Variants in SLC28A3 observed in about 807,000 individuals in gnomAD.
The protein encoded by SLC28A3 is solute carrier family 28 member 3.
Under a neutral mutation model 84.2 loss-of-function variants are expected in SLC28A3, and 68 were observed. That is an observed-to-expected ratio of 0.81 (90% CI 0.66 to 0.99). The LOEUF (loss-of-function observed/expected upper bound fraction) is 0.99. SLC28A3 is among the 50% of genes least tolerant of loss of function. The pLI is 0.00. For synonymous variants in SLC28A3, 267 were observed against 303.6 expected, an observed-to-expected ratio of 0.88 and a Z score of 1.25; for missense variants, 712 against 841.5, an observed-to-expected ratio of 0.85 and a Z score of 1.90.
intron 12 of SLC28A3, among the ~76,000 whole-genome samples, chr9:84,286,524 C>T (rs1260052908): frequency 1.4e-5 from 2 of 145,248 alleles, no homozygotes; most frequent in Admixed American, 7.2e-5. Flanking sequence ...TGGGCTTAAG[C>T]GATCCTCTTA....
intron 1 of SLC28A3, among the ~76,000 whole-genome samples, chr9:84,320,038 C>CTTTTTT (rs1826311069): frequency 3.5e-5 from 3 of 85,630 alleles, no homozygotes; most frequent in African/African-American, 1.7e-4. Flanking sequence ...CTGGCTTGCA[C>CTTTTTT]TGTTTTTTTT....
chr9:84,312,496 G>A (rs915462873), intron 2 of SLC28A3, among the ~76,000 whole-genome samples: 1 of 149,528 alleles, frequency 6.7e-6, no homozygotes, highest in African/African-American at 2.5e-5. Context: ...CTTTTACCAC[G>A]AGAAAACTCC....
At position 84,299,819 on chromosome 9, in the gene SLC28A3, G is replaced by C. The variant is rs1825559326; in HGVS notation, c.525-94C>G. The C allele has an allele frequency of 2.2e-6, 3 of 1,373,502 alleles. No homozygotes were observed. In the South Asian group the frequency reaches 4.5e-5, roughly 20 times the overall value. The allele number at this position is 1,373,502 out of a possible 1,614,324, so 85.1% of individuals were successfully genotyped here. ...ATTTTTTTTTTTTTTGAGAGATGGA[G>C]TCTTGCTCTGTTGCCCAGGCTGGAG... On this transcript the variant is annotated intron_variant, in intron 5 of 17. Coordinates refer to ENST00000376238, the MANE Select transcript of SLC28A3 (RefSeq NM_001199633.2).
the SLC28A3 span, among the ~76,000 whole-genome samples, chr9:84,361,938 A>AT: frequency 3.3e-5 from 5 of 152,046 alleles, no homozygotes; most frequent in South Asian, 6.2e-4. Context: ...AAATAAATAA[A>AT]AATTAATTTT....
intron 10 of SLC28A3, 191 bp downstream of exon 10, chr9:84,292,463 GTCTCTCTCTCTGTC>G (rs1397330016): frequency 2.0e-5 from 10 of 500,482 alleles, no homozygotes; most frequent in South Asian, 5.5e-5. Context: ...CTGTCTCTCT[GTCTCTCTCTCTGTC>G]TCTCTCTCTC....
the SLC28A3 span, among the ~76,000 whole-genome samples, chr9:84,355,452 C>T: frequency 6.6e-6 from 1 of 152,092 alleles, no homozygotes; most frequent in African/African-American, 2.4e-5. Flanking sequence ...GAAAAAAACA[C>T]GTCAGGCCAA....
chr9:84,331,968 C>A (rs746598918), intron 1 of SLC28A3, among the ~76,000 whole-genome samples: 2 of 152,074 alleles, frequency 1.3e-5, no homozygotes, highest in Admixed American at 6.6e-5. Flanking sequence ...TTTTTTAAAG[C>A]AATGTTGATG....
At chr9:84,278,397 T>G (rs1432908791) in intron 17 of SLC28A3, 53 bp from the exon 18 acceptor site, 3 of 1,608,376 alleles carry the variant, frequency 1.9e-6, no homozygotes, top group Non-Finnish European at 2.5e-6. Context: ...GCAGAAACAG[T>G]AGGTGAGCAG....
At chr9:84,323,306 G>A (rs1826437628) in intron 1 of SLC28A3, among the ~76,000 whole-genome samples, 1 of 152,204 alleles carries the variant, frequency 6.6e-6, no homozygotes, top group Non-Finnish European at 1.5e-5. Flanking sequence ...GAGCAAACAG[G>A]TATAGAGAAA....
At chr9:84,310,047 T>C (rs747735000) in intron 2 of SLC28A3, among the ~76,000 whole-genome samples, 1 of 152,186 alleles carries the variant, frequency 6.6e-6, no homozygotes, top group Non-Finnish European at 1.5e-5. Context: ...TTCAGCCAAG[T>C]ACTAAATGAA....
At chr9:84,327,073 G>A (rs1253904977) in intron 1 of SLC28A3, among the ~76,000 whole-genome samples, 2 of 151,872 alleles carry the variant, frequency 1.3e-5, no homozygotes, top group Non-Finnish European at 2.9e-5. Context: ...AAATCAAGAG[G>A]GGAAAAATAA....
At chr9:84,328,521 G>A (rs994007567) in intron 1 of SLC28A3, among the ~76,000 whole-genome samples, 1 of 152,060 alleles carries the variant, frequency 6.6e-6, no homozygotes, top group African/African-American at 2.4e-5. Context: ...CACTTTGGGA[G>A]GCTGAGGCGG....
intron 14 of SLC28A3, among the ~76,000 whole-genome samples, chr9:84,281,614 C>A (rs760736940): frequency 3.9e-5 from 6 of 152,198 alleles, no homozygotes; most frequent in Admixed American, 2.0e-4. Context: ...CTGAATGACC[C>A]AGCAATTTTT....
chr9:84,289,148 C>A (rs902832424), intron 11 of SLC28A3, among the ~76,000 whole-genome samples: 1 of 152,182 alleles, frequency 6.6e-6, no homozygotes, highest in Non-Finnish European at 1.5e-5. Context: ...CTGTTCCCCC[C>A]AGAACATTTT....
intron 1 of SLC28A3, among the ~76,000 whole-genome samples, chr9:84,317,694 C>G (rs557591451): frequency 1.3e-5 from 2 of 152,278 alleles, no homozygotes; most frequent in East Asian, 3.9e-4. Context: ...AGTGGTCTTG[C>G]ACTCATTCAG....
intron 6 of SLC28A3, 132 bp downstream of exon 6, chr9:84,299,446 GGTC>G: frequency 9.0e-7 from 1 of 1,105,674 alleles, no homozygotes. Flanking sequence ...AGGGCACCCT[GGTC>G]ACGTTAAATA....
At chr9:84,361,317 CCTGG>C in the SLC28A3 span, among the ~76,000 whole-genome samples, 1 of 152,130 alleles carries the variant, frequency 6.6e-6, no homozygotes, top group Non-Finnish European at 1.5e-5. Context: ...TGCACTCCGG[CCTGG>C]TGACAGAGCG....
chr9:84,330,937 A>G (rs902533734), intron 1 of SLC28A3, among the ~76,000 whole-genome samples: 6 of 152,196 alleles, frequency 3.9e-5, no homozygotes, highest in Non-Finnish European at 7.3e-5. Context: ...CTCAGCAAAA[A>G]TGTATCTTTA....
At position 84,280,803 on chromosome 9, in the gene SLC28A3, A is replaced by C; in HGVS notation, c.1727T>G (p.Leu576Arg). ...IGSLGIVIGG[L>R]TSMAPSRKRD... is the part of the protein sequence containing the mutation. Reference sequence around the variant, plus strand: ...TGAAGAATGTTCTTTTCACTTACTGAGTCCGCCGATCACGATTCCTAGGGA... The same window carrying C: ...TGAAGAATGTTCTTTTCACTTACTGCGTCCGCCGATCACGATTCCTAGGGA... Residue 576 changes from leucine (L) to arginine (R), a missense_variant and splice_region_variant, in exon 15 of 18, where the codon CTC (leucine) becomes CGC (arginine). Transcript: ENST00000376238. 1 of 1,614,084 alleles carries C rather than the reference A, an allele frequency of 6.2e-7. No individual in the cohort carries two copies. Among genetic ancestry groups the C allele is most frequent in the Non-Finnish European group, 8.5e-7 (1 of 1,179,976 alleles).
Sources: allele counts gnomAD v4.1 joint callset (sites outside exome capture counted in the v4.1 genomes callset), GRCh38; gene constraint gnomAD v4.1.1; transcripts MANE v1.5; gene names NCBI Gene and HGNC (gene_info 2026-07-23, HGNC 2026-07-21).